The following INPP4B variants were observed in gnomAD, a reference collection of about 807,000 sequenced individuals.
INPP4B encodes inositol polyphosphate 4-phosphatase type II.
Under a neutral mutation model 122.5 loss-of-function variants are expected in INPP4B, and 55 were observed. That is an observed-to-expected ratio of 0.45 (90% confidence interval 0.36 to 0.56). INPP4B has a LOEUF of 0.56. INPP4B is among the 20% of genes least tolerant of loss of function. INPP4B has a pLI of 0.00. For missense variants in INPP4B, 1,000 were observed against 1,097.7 expected, an observed-to-expected ratio of 0.91 and a Z score of 1.26; for synonymous variants, 403 against 388.7, an observed-to-expected ratio of 1.04 and a Z score of -0.43.
intron 25 of INPP4B, among the ~76,000 whole-genome samples, chr4:142,063,315 C>T (rs1179960345): frequency 6.6e-6 from 1 of 152,088 alleles, no homozygotes. Context: ...ATCCACCCTG[C>T]CCAGGAGCCC....
At chr4:142,229,556 G>A (rs1031352689) in intron 12 of INPP4B, among the ~76,000 whole-genome samples, 1 of 152,032 alleles carries the variant, frequency 6.6e-6, no homozygotes, top group Non-Finnish European at 1.5e-5. Context: ...TCCCATTGAG[G>A]GCTTACGGAA....
chr4:142,454,586 T>C (rs928157768), intron 3 of INPP4B, among the ~76,000 whole-genome samples: 1 of 152,076 alleles, frequency 6.6e-6, no homozygotes, highest in East Asian at 1.9e-4. Context: ...TCTGGATCCG[T>C]CATGTCATAC....
At chr4:142,192,891 A>G (rs1250417182) in intron 15 of INPP4B, among the ~76,000 whole-genome samples, 196 bp downstream of exon 15, 2 of 152,158 alleles carry the variant, frequency 1.3e-5, no homozygotes, top group Non-Finnish European at 2.9e-5. Context: ...GCCACTAACT[A>G]AGCAAGACAC....
chr4:142,447,086 G>A (rs1580086409), intron 3 of INPP4B, among the ~76,000 whole-genome samples: 1 of 152,214 alleles, frequency 6.6e-6, no homozygotes, highest in East Asian at 1.9e-4. Context: ...GCAGAGTCAT[G>A]TGTTGAGAGG....
intron 14 of INPP4B, among the ~76,000 whole-genome samples, chr4:142,198,074 A>C (rs934970544): frequency 6.6e-6 from 1 of 152,148 alleles, no homozygotes; most frequent in Non-Finnish European, 1.5e-5. Context: ...TGATCACATC[A>C]AAAAGAAGAC....
chr4:142,253,694 G>A (rs776625205), intron 11 of INPP4B, among the ~76,000 whole-genome samples: 10 of 152,210 alleles, frequency 6.6e-5, no homozygotes, highest in African/African-American at 1.4e-4. Context: ...CACCTGGCTC[G>A]GAGGGTCCTA....
chr4:142,268,282 C>A (rs1403246421), intron 10 of INPP4B, among the ~76,000 whole-genome samples: 1 of 113,768 alleles, frequency 8.8e-6, no homozygotes, highest in African/African-American at 3.3e-5. Context: ...AAGATCGCGC[C>A]ACTGCACTCT....
At chr4:142,127,284 C>T (rs1440260363) in intron 18 of INPP4B, among the ~76,000 whole-genome samples, 1 of 152,010 alleles carries the variant, frequency 6.6e-6, no homozygotes, top group African/African-American at 2.4e-5. Context: ...ACTTAAGTGA[C>T]CACATTTGTT....
chr4:142,217,521 T>C (rs1847796614), intron 12 of INPP4B, among the ~76,000 whole-genome samples: 1 of 152,192 alleles, frequency 6.6e-6, no homozygotes, highest in South Asian at 2.1e-4. Context: ...AAATGAGACA[T>C]GGTTCGGTCT....
chr4:142,600,195 A>G (rs139356336), intron 2 of INPP4B, among the ~76,000 whole-genome samples: 1 of 152,102 alleles, frequency 6.6e-6, no homozygotes, highest in Admixed American at 6.5e-5. Context: ...AATGCCACAA[A>G]TCTTCTCCAC....
chr4:142,383,596 C>T (rs118136738), intron 7 of INPP4B, among the ~76,000 whole-genome samples: 2 of 152,208 alleles, frequency 1.3e-5, no homozygotes, highest in East Asian at 1.9e-4. Flanking sequence ...AACTCAACCA[C>T]TCCTCTCAAT....
chr4:142,720,219 C>A (rs910953336), intron 2 of INPP4B, among the ~76,000 whole-genome samples: 12 of 152,096 alleles, frequency 7.9e-5, no homozygotes, highest in Non-Finnish European at 1.8e-4. Flanking sequence ...ACTCTTTGTA[C>A]GGCAAAAAAA....
intron 11 of INPP4B, among the ~76,000 whole-genome samples, chr4:142,252,908 T>C (rs1006298272): frequency 6.6e-6 from 1 of 152,216 alleles, no homozygotes; most frequent in African/African-American, 2.4e-5. Flanking sequence ...AAGTAGTCAT[T>C]AGGCAATTTC....
At chr4:142,136,148 G>A (rs72933296) in intron 18 of INPP4B, among the ~76,000 whole-genome samples, 51 of 152,194 alleles carry the variant, frequency 3.4e-4, no homozygotes, top group African/African-American at 1.0e-3. Context: ...GTGGGGCTAC[G>A]TGAGTACAGA....
intron 11 of INPP4B, among the ~76,000 whole-genome samples, chr4:142,255,831 A>G (rs1373911739): frequency 6.6e-6 from 1 of 151,458 alleles, no homozygotes; most frequent in Non-Finnish European, 1.5e-5. Flanking sequence ...CAGGAATTGA[A>G]CTCAGCTCTG....
chr4:142,202,738 ACCAATTTGCGGAATC>A, intron 14 of INPP4B: 1 of 984,214 alleles, frequency 1.0e-6, no homozygotes, highest in Non-Finnish European at 1.2e-6. Context: ...TTCTTTTCAT[ACCAATTTGCGGAATC>A]CCACTTGAGA....
chr4:142,556,274 CTG>C (rs1345759676), intron 2 of INPP4B, among the ~76,000 whole-genome samples: 1 of 152,196 alleles, frequency 6.6e-6, no homozygotes, highest in Non-Finnish European at 1.5e-5. Flanking sequence ...TGCAAGTACA[CTG>C]TGTTCCCACT....
intron 25 of INPP4B, among the ~76,000 whole-genome samples, chr4:142,067,025 T>C (rs1763911347): frequency 1.3e-5 from 2 of 152,284 alleles, no homozygotes; most frequent in South Asian, 4.1e-4. Flanking sequence ...GACTGCCTCC[T>C]CTAGTGGGTC....
chr4:142,222,080 C>T (rs1394841087), intron 12 of INPP4B, among the ~76,000 whole-genome samples: 1 of 152,244 alleles, frequency 6.6e-6, no homozygotes, highest in Non-Finnish European at 1.5e-5. Flanking sequence ...CTGGCTCAGC[C>T]TCCCAAGTAG....
Sources: allele counts gnomAD v4.1 joint callset (sites outside exome capture counted in the v4.1 genomes callset), GRCh38; gene constraint gnomAD v4.1.1; transcripts MANE v1.5; gene names NCBI Gene and HGNC (gene_info 2026-07-23, HGNC 2026-07-21).